Variants in COPZ1 observed in about 807,000 individuals in gnomAD.
COPZ1 encodes the protein coatomer subunit zeta-1.
COPZ1 carries 4 observed loss-of-function variants against 31.7 expected under a neutral mutation model. The ratio of observed to expected loss-of-function variants is 0.13; its 90% CI spans 0.06 to 0.29. The LOEUF is 0.29. Among genes scored for constraint, COPZ1 ranks in the 10% least tolerant of loss-of-function variants. The probability of loss-of-function intolerance (pLI) is 1.00; values close to 1 mark genes in which losing one functional copy is unlikely to be tolerated. For synonymous variants in COPZ1, 74 were observed against 79.0 expected, an observed-to-expected ratio of 0.94 and a Z score of 0.33; for missense variants, 156 against 211.5, an observed-to-expected ratio of 0.74 and a Z score of 1.63.
chr12:54,344,422 G>A (rs954078064), intron 4 of COPZ1, among the ~76,000 whole-genome samples: 3 of 152,128 alleles, frequency 2.0e-5, no homozygotes, highest in African/African-American at 7.2e-5. Flanking sequence ...TACTAAAAAT[G>A]CAAAAAATTA....
intron 1 of COPZ1, among the ~76,000 whole-genome samples, chr12:54,327,815 A>G (rs748000771): frequency 2.1e-4 from 32 of 152,294 alleles, no homozygotes; most frequent in Non-Finnish European, 3.7e-4. Flanking sequence ...GCAGACTAGG[A>G]TAGATTCTAG....
At chr12:54,347,939 C>G (rs1407328464) in intron 6 of COPZ1, 61 bp from the exon 7 acceptor site, 4 of 1,607,044 alleles carry the variant, frequency 2.5e-6, no homozygotes, top group Non-Finnish European at 3.4e-6. Flanking sequence ...GGTCCTGTTC[C>G]CCGACAGTGA....
intron 1 of COPZ1, among the ~76,000 whole-genome samples, chr12:54,333,798 C>T (rs968846189): frequency 4.6e-5 from 7 of 152,130 alleles, no homozygotes; most frequent in African/African-American, 1.4e-4. Flanking sequence ...CTCTTCCTGC[C>T]GTCAGTTCTT....
rs910803639 is a variant in COPZ1, at chr12:54,351,427, T to G, written c.*904T>G. 2 of 152,326 alleles carry G rather than the reference T, an allele frequency of 1.3e-5. No homozygotes were observed. The highest frequency in any genetic ancestry group is 4.8e-5 in the African/African-American group (2 of 41,438). 9.4% of individuals were successfully genotyped at this position (152,326 alleles called of 1,614,324 possible). A position where few individuals can be genotyped will look rare whatever the true frequency, so the allele number is the denominator to read the frequency against. ...TCTCTGTCCCCTCAGCTCCCCGACATGCATTTACTCTCTGCCGTGGGTCTG... is the reference window on the plus strand; with the variant it reads ...TCTCTGTCCCCTCAGCTCCCCGACAGGCATTTACTCTCTGCCGTGGGTCTG... On this transcript the variant is annotated 3_prime_UTR_variant, in exon 9 of 9. Coordinates refer to ENST00000262061, the MANE Select transcript of COPZ1 (RefSeq NM_016057.3).
intron 1 of COPZ1, chr12:54,337,329 T>G (rs1168093989): frequency 1.9e-6 from 1 of 533,160 alleles, no homozygotes; most frequent in Non-Finnish European, 3.9e-6. Flanking sequence ...CTACCCATTT[T>G]GGGAGTGGGA....
chr12:54,339,333 C>T (rs1203982591), intron 1 of COPZ1, among the ~76,000 whole-genome samples: 1 of 151,752 alleles, frequency 6.6e-6, no homozygotes, highest in African/African-American at 2.4e-5. Context: ...CACTATCTCT[C>T]CACACTTTTG....
At chr12:54,342,343 G>A (rs1056683689) in intron 3 of COPZ1, 56 bp downstream of exon 3, 100 of 1,291,980 alleles carry the variant, frequency 7.7e-5, no homozygotes, top group Non-Finnish European at 1.1e-4. Flanking sequence ...GGTGGAAAGG[G>A]GGTGGTAACA....
At chr12:54,350,419 T>C in intron 8 of COPZ1, 57 bp from the exon 9 acceptor site, 3 of 1,408,306 alleles carry the variant, frequency 2.1e-6, no homozygotes, top group Non-Finnish European at 3.0e-6. Context: ...TCCCCAGCCC[T>C]CATCCTTACC....
intron 1 of COPZ1, among the ~76,000 whole-genome samples, chr12:54,331,257 C>T (rs1003588451): frequency 6.0e-5 from 9 of 149,514 alleles, no homozygotes; most frequent in Non-Finnish European, 8.9e-5. Flanking sequence ...CTTGGCTCAC[C>T]GCAACCTTTG....
intron 1 of COPZ1, among the ~76,000 whole-genome samples, chr12:54,339,980 C>CGTGTGTGTGTGTGTGT: frequency 7.0e-6 from 1 of 142,166 alleles, no homozygotes; most frequent in African/African-American, 2.6e-5. Context: ...TGTGCCTGTG[C>CGTGTGTGTGTGTGTGT]GTGTGTGTGT....
chr12:54,335,181 CAAAA>C (rs556631294), intron 1 of COPZ1, among the ~76,000 whole-genome samples: 5 of 88,638 alleles, frequency 5.6e-5, no homozygotes, highest in Admixed American at 2.2e-4. Flanking sequence ...GAAACTCTGT[CAAAA>C]AAAAAAAAAA....
chr12:54,337,981 T>C (rs1450772073), intron 1 of COPZ1, among the ~76,000 whole-genome samples: 2 of 152,204 alleles, frequency 1.3e-5, no homozygotes, highest in Admixed American at 6.5e-5. Context: ...GGTGTGGCTG[T>C]TGTAGGCACT....
intron 1 of COPZ1, among the ~76,000 whole-genome samples, chr12:54,332,172 A>C (rs1164638204): frequency 6.6e-6 from 1 of 151,930 alleles, no homozygotes; most frequent in Non-Finnish European, 1.5e-5. Context: ...AAATACAAAA[A>C]TTAGCCGGTC....
At chr12:54,349,599 G>A (rs1048575218) in intron 7 of COPZ1, 21 bp from the exon 8 acceptor site, 1 of 1,606,474 alleles carries the variant, frequency 6.2e-7, no homozygotes, top group Admixed American at 1.7e-5. Flanking sequence ...CACACTAAAT[G>A]CTTGTATCTC....
chr12:54,344,769 T>C (rs1201323742), intron 4 of COPZ1: 1 of 151,886 alleles, frequency 6.6e-6, no homozygotes, highest in Admixed American at 6.6e-5. Context: ...AAAAAAAAAT[T>C]TGAGACAGGG....
chr12:54,326,727 C>T (rs1399627375), intron 1 of COPZ1, among the ~76,000 whole-genome samples: 1 of 147,996 alleles, frequency 6.8e-6, no homozygotes, highest in Non-Finnish European at 1.5e-5. Flanking sequence ...CAGCCTTCTT[C>T]CTTAATTGGC....
chr12:54,350,684 C>T lies in COPZ1; in HGVS notation c.*161C>T, dbSNP rs1215610763. The T allele has an allele frequency of 4.6e-6, 3 of 646,230 alleles. No individual in the cohort carries two copies. Among genetic ancestry groups the T allele is most frequent in the South Asian group, 3.4e-5 (2 of 58,278 alleles). 40.0% of individuals were successfully genotyped at this position (646,230 alleles called of 1,614,324 possible). A position where few individuals can be genotyped will look rare whatever the true frequency, so the allele number is the denominator to read the frequency against. On this transcript the variant is annotated 3_prime_UTR_variant, in exon 9 of 9. Transcript: ENST00000262061. ...GTGGTTGCCCCCTCAACCTCCCCTA[C>T]ACCCTTCCTATTCTTTTTCATTCTT...
Position 54,347,822 on chromosome 12 carries a change from G to C in COPZ1, c.373G>C (p.Val125Leu). 6.2e-7 allele frequency: 1 copy of C among 1,612,380 alleles called. No individual in the cohort carries two copies. The highest frequency in any genetic ancestry group is 1.1e-5 in the South Asian group (1 of 90,928). ...LENMEGLFLA[V>L]DEIVDGGVIL... The stretch of plus-strand genomic sequence containing the variant: ...GAACATGGAGGGGCTGTTCTTGGCT[G>C]TGGATGAAATTGTAGATGGAGGGTA... Residue 125 changes from valine to leucine, a missense_variant, in exon 6 of 9, where the codon GTG (valine) becomes CTG (leucine). By Grantham distance (32) the Val-to-Leu change is conservative. Coordinates refer to ENST00000262061, the MANE Select transcript of COPZ1 (RefSeq NM_016057.3).
intron 1 of COPZ1, among the ~76,000 whole-genome samples, chr12:54,339,344 G>T (rs1036094569): frequency 2.6e-5 from 4 of 151,716 alleles, no homozygotes; most frequent in Non-Finnish European, 4.4e-5. Context: ...CACACTTTTG[G>T]TTTTTTCTAT....
Sources: allele counts gnomAD v4.1 joint callset (sites outside exome capture counted in the v4.1 genomes callset), GRCh38; gene constraint gnomAD v4.1.1; transcripts MANE v1.5; gene names NCBI Gene and HGNC (gene_info 2026-07-23, HGNC 2026-07-21).